The following DLC1 variants were observed in gnomAD, a reference collection of about 807,000 sequenced individuals.
DLC1 encodes rho GTPase-activating protein 7.
Under a neutral mutation model 140.3 loss-of-function variants are expected in DLC1, and 54 were observed. That is an observed-to-expected ratio of 0.38 (90% CI 0.31 to 0.48). The LOEUF (loss-of-function observed/expected upper bound fraction) is 0.48. Ranked by LOEUF, DLC1 falls within the 20% of genes least tolerant of loss-of-function variation. The pLI is 0.96. For synonymous variants in DLC1, 986 were observed against 728.1 expected (o/e 1.35, Z -5.70); for missense variants, 2,536 against 1,907.0 (o/e 1.33, Z -6.14).
intron 2 of DLC1, among the ~76,000 whole-genome samples, chr8:13,419,927 C>G (rs549715221): frequency 6.6e-6 from 1 of 152,256 alleles, no homozygotes; most frequent in African/African-American, 2.4e-5. Context: ...CAACTTCTTC[C>G]TGCTTTAGTC....
intron 5 of DLC1, among the ~76,000 whole-genome samples, chr8:13,197,819 G>A (rs956496091): frequency 1.3e-5 from 2 of 152,152 alleles, no homozygotes; most frequent in East Asian, 1.9e-4. Flanking sequence ...CTAGTCTGAT[G>A]AGACTTCAGG....
chr8:13,361,666 T>C (rs1835234051), intron 4 of DLC1, among the ~76,000 whole-genome samples: 1 of 152,202 alleles, frequency 6.6e-6, no homozygotes, highest in African/African-American at 2.4e-5. Context: ...TATTATTTCC[T>C]ATATTTCAAA....
chr8:13,514,103 G>A (rs952376232), intron 1 of DLC1, among the ~76,000 whole-genome samples: 1 of 151,750 alleles, frequency 6.6e-6, no homozygotes, highest in African/African-American at 2.4e-5. Context: ...AAACTGGCTT[G>A]GGTAAAATAA....
intron 4 of DLC1, among the ~76,000 whole-genome samples, chr8:13,387,026 T>A (rs1202737654): frequency 6.6e-6 from 1 of 152,090 alleles, no homozygotes; most frequent in Non-Finnish European, 1.5e-5. Context: ...TGTGTTTAAA[T>A]GTTTTAATTA....
Position 13,314,656 on chromosome 8 carries a change from A to C in DLC1, c.1315-9354T>G, listed in dbSNP as rs559729712. Among the ~76,000 whole-genome samples, 30 of 152,332 alleles carry C rather than the reference A, an allele frequency of 2.0e-4. No individual in the cohort carries two copies. The East Asian group carries it at 5.4e-3, about 27-fold the overall frequency. Reference sequence around the variant, plus strand: ...TATTCTCACCATTTCATAACATCCAACTTAAAAACTTTTGGTAGATCCAGG... The same window carrying C: ...TATTCTCACCATTTCATAACATCCACCTTAAAAACTTTTGGTAGATCCAGG... On this transcript the variant is annotated intron_variant, in intron 4 of 17. Transcript: ENST00000276297.
At chr8:13,443,539 G>T (rs1396036365) in intron 2 of DLC1, among the ~76,000 whole-genome samples, 1 of 151,162 alleles carries the variant, frequency 6.6e-6, no homozygotes, top group African/African-American at 2.4e-5. Context: ...GATGCCTGTA[G>T]TCCCAGCTAC....
intron 5 of DLC1, among the ~76,000 whole-genome samples, chr8:13,283,603 C>G (rs1831442346): frequency 6.6e-6 from 1 of 152,170 alleles, no homozygotes; most frequent in African/African-American, 2.4e-5. Context: ...GCAACTTCTG[C>G]TCCTGAGCTC....
At chr8:13,188,842 TA>T (rs1563149885) in intron 5 of DLC1, among the ~76,000 whole-genome samples, 11 of 30,706 alleles carry the variant, frequency 3.6e-4, no homozygotes, top group Admixed American at 1.4e-3. Context: ...TATATATATA[TA>T]TTTTTTTTTT....
intron 1 of DLC1, among the ~76,000 whole-genome samples, chr8:13,601,938 A>T (rs555816446): frequency 2.6e-5 from 4 of 151,922 alleles, no homozygotes; most frequent in Admixed American, 2.6e-4. Context: ...AATTAATTCT[A>T]TGCTTTCACA....
At chr8:13,565,581 A>G (rs1023164567) in intron 1 of DLC1, among the ~76,000 whole-genome samples, 2 of 152,216 alleles carry the variant, frequency 1.3e-5, no homozygotes, top group East Asian at 1.9e-4. Flanking sequence ...GCTGGCTCAT[A>G]TACTTGAGAG....
intron 1 of DLC1, among the ~76,000 whole-genome samples, chr8:13,548,013 C>T (rs761140348): frequency 9.5e-4 from 145 of 152,010 alleles, no homozygotes; most frequent in Non-Finnish European, 1.8e-3. Flanking sequence ...TTAAAAATAG[C>T]ACTTAAAATA....
rs935990052 is a variant in DLC1 at position 13,377,216 on chromosome 8, C to T, written c.1314+16337G>A. On this transcript the variant is annotated intron_variant, in intron 4 of 17. Transcript: ENST00000276297. ...ATTTAGTGGTTAGCATAAAGACTGA[C>T]ACATAAGATTTCCAATGTTTGTTCA... Among the ~76,000 whole-genome samples, 41 of 152,188 alleles carry T rather than the reference C, an allele frequency of 2.7e-4. 2 individuals carry two copies. Among genetic ancestry groups the T allele is most frequent in the Admixed American group, 2.2e-3 (33 of 15,284 alleles).
chr8:13,269,785 C>G (rs1002688868), intron 5 of DLC1, among the ~76,000 whole-genome samples: 9 of 150,152 alleles, frequency 6.0e-5, no homozygotes, highest in African/African-American at 2.2e-4. Context: ...TGGCCAGGCG[C>G]AGTGGCCCGT....
intron 12 of DLC1, among the ~76,000 whole-genome samples, chr8:13,094,359 T>G (rs779006303): frequency 3.3e-5 from 5 of 152,218 alleles, no homozygotes; most frequent in Middle Eastern, 3.4e-3. Context: ...CCATGCAGAC[T>G]CTCTTGTCAA....
At chr8:13,193,895 C>T (rs896571663) in intron 5 of DLC1, among the ~76,000 whole-genome samples, 2 of 152,150 alleles carry the variant, frequency 1.3e-5, no homozygotes, top group African/African-American at 4.8e-5. Flanking sequence ...ATTTTGGTAA[C>T]TTTTAGGGAA....
chr8:13,462,391 C>T (rs1485642693), intron 2 of DLC1, among the ~76,000 whole-genome samples: 1 of 149,612 alleles, frequency 6.7e-6, no homozygotes, highest in East Asian at 1.9e-4. Flanking sequence ...AATACCATTA[C>T]TATTCTTTTT....
intron 1 of DLC1, among the ~76,000 whole-genome samples, chr8:13,525,503 G>C (rs755939193): frequency 7.9e-5 from 12 of 152,160 alleles, no homozygotes; most frequent in African/African-American, 2.9e-4. Flanking sequence ...CAGTTGGTAT[G>C]ATGAGTCTTT....
Position 13,600,621 on chromosome 8 carries a change from C to A in DLC1, c.-126+3916G>T, listed in dbSNP as rs1805843629. ...CAATGTAAAAATAGATCATTGCACT[C>A]CTGTACATGACTATTTTCTCTCTAA... is the stretch of plus-strand genomic sequence containing the variant. On this transcript the variant is annotated intron_variant, in intron 1 of 1. Coordinates refer to the DLC1 transcript ENST00000631382. 3.3e-5 allele frequency among the ~76,000 whole-genome samples: 5 copies of A among 151,782 alleles called. No homozygotes were observed. The South Asian group carries it at 1.0e-3, about 31-fold the overall frequency.
chr8:13,164,063 G>A (rs1184423750), intron 5 of DLC1, among the ~76,000 whole-genome samples: 6 of 152,066 alleles, frequency 3.9e-5, no homozygotes, highest in African/African-American at 9.7e-5. Flanking sequence ...TTGGGAGGCC[G>A]AGGCGGGCGG....
Sources: allele counts gnomAD v4.1 joint callset (sites outside exome capture counted in the v4.1 genomes callset), GRCh38; gene constraint gnomAD v4.1.1; transcripts MANE v1.5; gene names NCBI Gene and HGNC (gene_info 2026-07-23, HGNC 2026-07-21).